Variants in WFDC11 observed in about 807,000 individuals in gnomAD.
WFDC11 encodes protein WFDC11.
A neutral mutation model predicts 9.9 loss-of-function variants in WFDC11; 9 were observed. The observed-to-expected ratio is 0.91, with a 90% CI of 0.55 to 1.58. The LOEUF is 1.58. Among genes scored for constraint, WFDC11 ranks in the 40% most tolerant of loss-of-function variants. The pLI is 0.00. For missense variants in WFDC11, 106 were observed against 101.7 expected, an observed-to-expected ratio of 1.04 and a Z score of -0.18; for synonymous variants, 32 against 33.3, an observed-to-expected ratio of 0.96 and a Z score of 0.13.
intron 2 of WFDC11, among the ~76,000 whole-genome samples, chr20:45,661,130 C>T (rs1983053317): frequency 1.3e-5 from 2 of 152,154 alleles, no homozygotes; most frequent in Non-Finnish European, 2.9e-5. Context: ...GAGATGGTAT[C>T]CCATTGTGGT....
chr20:45,654,641 G>A (rs1273873005), intron 2 of WFDC11, among the ~76,000 whole-genome samples: 1 of 152,126 alleles, frequency 6.6e-6, no homozygotes. Flanking sequence ...ATGAATCCAG[G>A]AGCTGGTTTT....
At chr20:45,653,969 C>T (rs1024390817) in intron 2 of WFDC11, among the ~76,000 whole-genome samples, 5 of 152,248 alleles carry the variant, frequency 3.3e-5, no homozygotes, top group Admixed American at 2.6e-4. Context: ...TAGACTCCCA[C>T]ACAATAATAA....
At chr20:45,666,971 G>A (rs2145625077) in intron 2 of WFDC11, 117 bp downstream of exon 2, 1 of 152,276 alleles carries the variant, frequency 6.6e-6, no homozygotes, top group East Asian at 1.9e-4. Flanking sequence ...TCCATAGAGG[G>A]ATAGTGTTGG....
At chr20:45,653,563 C>A (rs1403413433) in intron 2 of WFDC11, among the ~76,000 whole-genome samples, 1 of 151,762 alleles carries the variant, frequency 6.6e-6, no homozygotes, top group Non-Finnish European at 1.5e-5. Flanking sequence ...ATGACAGGAT[C>A]AAATTCACAC....
chr20:45,656,007 C>T (rs1157230969), intron 2 of WFDC11, among the ~76,000 whole-genome samples: 3 of 152,048 alleles, frequency 2.0e-5, no homozygotes, highest in Admixed American at 6.6e-5. Context: ...GGCCATACTG[C>T]CCAAGGTAAA....
At chr20:45,664,910 C>G (rs916732440) in intron 2 of WFDC11, among the ~76,000 whole-genome samples, 2 of 152,102 alleles carry the variant, frequency 1.3e-5, no homozygotes, top group Admixed American at 1.3e-4. Flanking sequence ...TTGCTCTTCT[C>G]GAGGAGTGTC....
At chr20:45,664,885 A>G (rs1282452659) in intron 2 of WFDC11, among the ~76,000 whole-genome samples, 1 of 151,764 alleles carries the variant, frequency 6.6e-6, no homozygotes, top group Non-Finnish European at 1.5e-5. Context: ...GAATCTAACA[A>G]TTTGTGTCTT....
At position 45,648,613 on chromosome 20, in the gene WFDC11, G is replaced by T; in HGVS notation, c.*106C>A. 1 of 1,249,736 alleles carries T rather than the reference G, an allele frequency of 8.0e-7. No individual in the cohort carries two copies. The highest frequency in any genetic ancestry group is 1.1e-6 in the Non-Finnish European group (1 of 870,452). 77.4% of individuals were successfully genotyped at this position (1,249,736 alleles called of 1,614,324 possible). A position where few individuals can be genotyped will look rare whatever the true frequency, so the allele number is the denominator to read the frequency against. Reference sequence around the variant, plus strand: ...AGTGTTTGCTGTTGTCCAGCTCTCAGTAAAAATAGACTGGTGTTCCTAAAA... The same window carrying T: ...AGTGTTTGCTGTTGTCCAGCTCTCATTAAAAATAGACTGGTGTTCCTAAAA... On this transcript the variant is annotated 3_prime_UTR_variant, in exon 5 of 5. Coordinates refer to ENST00000324384, the MANE Select transcript of WFDC11 (RefSeq NM_147197.2).
chr20:45,658,147 A>G lies in WFDC11; in HGVS notation c.-51-7496T>C, dbSNP rs376313566. Among the ~76,000 whole-genome samples, 5 of 152,160 alleles carry G rather than the reference A, an allele frequency of 3.3e-5. No individual in the cohort carries two copies. The South Asian group carries it at 1.0e-3, about 32-fold the overall frequency. ...ATACACCCATGTAATCATCATCACA[A>G]TCTAGGCCATAAACATATCCATCAC... On this transcript the variant is annotated intron_variant, in intron 2 of 4. Coordinates refer to ENST00000324384, the MANE Select transcript of WFDC11 (RefSeq NM_147197.2).
intron 3 of WFDC11, among the ~76,000 whole-genome samples, chr20:45,650,211 T>TACACACAC (rs142774065): frequency 6.6e-6 from 1 of 150,486 alleles, no homozygotes; most frequent in Non-Finnish European, 1.5e-5. Flanking sequence ...ATGGTATATA[T>TACACACAC]ACACACACAC....
At chr20:45,655,133 A>T (rs1023116023) in intron 2 of WFDC11, among the ~76,000 whole-genome samples, 1 of 152,224 alleles carries the variant, frequency 6.6e-6, no homozygotes, top group African/African-American at 2.4e-5. Flanking sequence ...CTACCATAAA[A>T]GATAATTTTA....
chr20:45,662,259 C>T (rs1475078006), intron 2 of WFDC11, among the ~76,000 whole-genome samples: 11 of 152,198 alleles, frequency 7.2e-5, no homozygotes, highest in African/African-American at 1.7e-4. Flanking sequence ...GATTTTTGAA[C>T]ATTGATTTTG....
chr20:45,652,599 T>C (rs951237518), intron 2 of WFDC11, among the ~76,000 whole-genome samples: 4 of 151,486 alleles, frequency 2.6e-5, no homozygotes, highest in African/African-American at 9.7e-5. Flanking sequence ...CTTTGATGAG[T>C]TGAGAGAAGG....
chr20:45,662,718 A>C (rs1983097703), intron 2 of WFDC11, among the ~76,000 whole-genome samples: 1 of 152,216 alleles, frequency 6.6e-6, no homozygotes, highest in Admixed American at 6.5e-5. Flanking sequence ...GTGATGGATT[A>C]CGTTTATTGA....
chr20:45,648,886 G>T, intron 4 of WFDC11, 147 bp from the exon 5 acceptor site: 1 of 908,892 alleles, frequency 1.1e-6, no homozygotes, highest in Non-Finnish European at 1.7e-6. Flanking sequence ...CTTCTGAGTA[G>T]GTGAGGTATT....
At chr20:45,649,107 A>C (rs1044737088) in intron 4 of WFDC11, 150 bp downstream of exon 4, 13 of 922,576 alleles carry the variant, frequency 1.4e-5, no homozygotes, top group Non-Finnish European at 1.8e-5. Context: ...TCGCCAGTGA[A>C]TTGCTTTCCA....
At chr20:45,659,646 T>C (rs1983012750) in intron 2 of WFDC11, among the ~76,000 whole-genome samples, 1 of 152,228 alleles carries the variant, frequency 6.6e-6, no homozygotes, top group African/African-American at 2.4e-5. Context: ...GCAACATTTT[T>C]CTCCGATTCT....
At chr20:45,648,868 G>A (rs879048221) in intron 4 of WFDC11, 129 bp from the exon 5 acceptor site, 1 of 1,038,150 alleles carries the variant, frequency 9.6e-7, no homozygotes, top group Non-Finnish European at 1.4e-6. Context: ...AACAACAGGA[G>A]TTGTCCACTT....
intron 2 of WFDC11, among the ~76,000 whole-genome samples, chr20:45,661,354 C>T (rs1423303675): frequency 6.6e-6 from 1 of 151,656 alleles, no homozygotes; most frequent in South Asian, 2.1e-4. Flanking sequence ...AAATTTTCTC[C>T]CATTTTGTAG....
Sources: gnomAD v4.1 joint callset for allele counts (sites outside exome capture counted in the v4.1 genomes callset) on GRCh38, gnomAD v4.1.1 for gene constraint, MANE v1.5 for transcripts, NCBI Gene and HGNC (gene_info 2026-07-23, HGNC 2026-07-21) for gene names.